The following DNM1L variants were observed in gnomAD, a reference collection of about 807,000 sequenced individuals.
The protein encoded by DNM1L is dynamin-1-like protein.
DNM1L carries 33 observed loss-of-function variants against 92.8 expected under a neutral mutation model. The ratio of observed to expected loss-of-function variants is 0.36; its 90% CI spans 0.27 to 0.48. DNM1L has a LOEUF of 0.48. DNM1L is among the 20% of genes least tolerant of loss of function. The probability of loss-of-function intolerance (pLI) is 0.99; values close to 1 mark genes in which losing one functional copy is unlikely to be tolerated. For synonymous variants in DNM1L, 284 were observed against 305.0 expected, an observed-to-expected ratio of 0.93 and a Z score of 0.72; for missense variants, 485 against 888.8, an observed-to-expected ratio of 0.55 and a Z score of 5.78.
intron 18 of DNM1L, among the ~76,000 whole-genome samples, chr12:32,741,166 A>C (rs1341914830): frequency 6.6e-6 from 1 of 152,218 alleles, no homozygotes; most frequent in Admixed American, 6.5e-5. Context: ...AGAACCATTT[A>C]TCTTTTTTGC....
intron 2 of DNM1L, among the ~76,000 whole-genome samples, chr12:32,702,181 C>T (rs1952731586): frequency 7.0e-6 from 1 of 141,924 alleles, no homozygotes; most frequent in Non-Finnish European, 1.5e-5. Flanking sequence ...TTGCAGTGAG[C>T]TGAGATCACG....
intron 2 of DNM1L, chr12:32,705,807 G>A (rs1565505791): frequency 3.1e-6 from 5 of 1,596,782 alleles, no homozygotes; most frequent in Non-Finnish European, 4.2e-6. Context: ...ATTCTGTGCT[G>A]TTTCTCTTTA....
intron 9 of DNM1L, among the ~76,000 whole-genome samples, chr12:32,729,462 C>A (rs929910749): frequency 1.3e-5 from 2 of 152,058 alleles, no homozygotes; most frequent in Non-Finnish European, 2.9e-5. Context: ...TAATTAATTA[C>A]TTTATTACTT....
chr12:32,731,400 A>G lies in DNM1L; in HGVS notation c.1245A>G (p.Leu415=). 1 of 1,614,154 alleles carries G rather than the reference A, an allele frequency of 6.2e-7. No individual in the cohort carries two copies. The highest frequency in any genetic ancestry group is 8.5e-7 in the Non-Finnish European group (1 of 1,180,020). ...TTGTGCCTGAGGTTTCATTTGAGTT[A>G]CTGGTGAAGCGGCAAATCAAACGTC... ...ALFVPEVSFE[L]LVKRQIKRLE... Residue 415 remains leucine (L), a synonymous_variant, in exon 11 of 20, where the codon TTA becomes TTG. Coordinates refer to ENST00000549701, the MANE Select transcript of DNM1L (RefSeq NM_012062.5). This position sits in a 1 kb window ranked among gnomAD's most constrained non-coding sequence, Gnocchi z 5.1.
chr12:32,741,174 TGCTTGTAGACTTTTTAAACCCGTA>T (rs1162458972), intron 18 of DNM1L, among the ~76,000 whole-genome samples: 2 of 152,248 alleles, frequency 1.3e-5, no homozygotes, highest in African/African-American at 2.4e-5. Flanking sequence ...TTATCTTTTT[TGCTTGTAGACTTTTTAAACCCGTA>T]GCTTGTAGTA....
rs1299977169 is a variant in DNM1L at position 32,717,999 on chromosome 12, A to ATATT, written c.620-641_620-640insTTAT. 5.1e-5 allele frequency among the ~76,000 whole-genome samples: 6 copies of ATATT among 117,926 alleles called. No homozygotes were observed. In the East Asian group the frequency reaches 8.8e-4, roughly 17 times the overall value. 77.4% of individuals were successfully genotyped at this position (117,926 alleles called of 152,430 possible). A position where few individuals can be genotyped will look rare whatever the true frequency, so the allele number is the denominator to read the frequency against. ...ATAGTATATATAGTATGTATAGTAT[A>ATATT]TATAATATATATAGTATATATATTA... On this transcript the variant is annotated intron_variant, in intron 6 of 19. Coordinates refer to ENST00000549701, the MANE Select transcript of DNM1L (RefSeq NM_012062.5).
rs775240905 is a variant in DNM1L, at chr12:32,731,949, C to CTAT, written c.1446+8_1446+9insTTA. The CTAT allele has an allele frequency of 1.9e-6, 3 of 1,603,274 alleles. No homozygotes were observed. The South Asian group carries it at 3.3e-5, about 18-fold the overall frequency. The stretch of plus-strand genomic sequence containing the variant: ...TGCCTGTTACAAATGAAATGGTGAG[C>CTAT]TACTATAGCATAGATCATTGTAATT... On this transcript the variant is annotated splice_region_variant and intron_variant, in intron 12 of 19. Coordinates refer to ENST00000549701, the MANE Select transcript of DNM1L (RefSeq NM_012062.5). The surrounding 1 kb of genome is among the most constrained non-coding windows in gnomAD (Gnocchi z 5.1).
Position 32,693,472 on chromosome 12 carries a change from G to A in DNM1L, c.103-7943G>A, listed in dbSNP as rs374805817. Among the ~76,000 whole-genome samples, 342 of 152,154 alleles carry A rather than the reference G, an allele frequency of 2.2e-3. 4 individuals are homozygous for A. Among genetic ancestry groups the A allele is most frequent in the Middle Eastern group, 0.02 (6 of 294 alleles). On this transcript the variant is annotated intron_variant, in intron 1 of 19. Coordinates refer to ENST00000549701, the MANE Select transcript of DNM1L (RefSeq NM_012062.5). Reference sequence around the variant, plus strand: ...TGGTTGAATTATCTTTTCTTCTGTGGTTTTGTACATTTTGTATATTGTTTA... The same window carrying A: ...TGGTTGAATTATCTTTTCTTCTGTGATTTTGTACATTTTGTATATTGTTTA...
At chr12:32,726,911 A>T (rs1386347107) in intron 9 of DNM1L, 14 of 687,258 alleles carry the variant, frequency 2.0e-5, no homozygotes, top group Non-Finnish European at 3.4e-5. Context: ...GTTCAAATTG[A>T]AATTCTAAGA....
At position 32,689,323 on chromosome 12, in the gene DNM1L, G is replaced by A. The variant is rs144226314; in HGVS notation, c.102+9858G>A. Among the ~76,000 whole-genome samples the A allele has an allele frequency of 1.4e-4, 21 of 152,102 alleles. No individual in the cohort carries two copies. In the East Asian group the frequency reaches 3.5e-3, roughly 25 times the overall value. On this transcript the variant is annotated intron_variant, in intron 1 of 19. Transcript: ENST00000549701. ...AGTGATTCTACTGTCTCAGCTTCCCGAGTAGCTGGGATTACAGGCATGCGC... is the reference window on the plus strand; with the variant it reads ...AGTGATTCTACTGTCTCAGCTTCCCAAGTAGCTGGGATTACAGGCATGCGC...
Position 32,704,917 on chromosome 12 carries a change from A to T in DNM1L, c.251-2450A>T, listed in dbSNP as rs1468081971. Among the ~76,000 whole-genome samples the T allele has an allele frequency of 2.6e-5, 4 of 151,452 alleles. No individual in the cohort carries two copies. The South Asian group carries it at 6.2e-4, about 24-fold the overall frequency. The stretch of plus-strand genomic sequence containing the variant: ...TTACCAACTTTTAAGGTTTTGAAAG[A>T]TGTATTTAGTATATTTTGTAGATTT... On this transcript the variant is annotated intron_variant, in intron 2 of 19. Transcript: ENST00000549701.
chr12:32,736,067 CTTT>C (rs773591822), intron 13 of DNM1L, among the ~76,000 whole-genome samples: 7 of 113,024 alleles, frequency 6.2e-5, no homozygotes, highest in Admixed American at 3.1e-4. Context: ...TCTTCATAAT[CTTT>C]TTTTTTTTTT....
intron 2 of DNM1L, chr12:32,706,133 A>G: frequency 2.9e-6 from 1 of 345,560 alleles, no homozygotes; most frequent in South Asian, 6.0e-5. Context: ...TAAATTAGAA[A>G]CAGCTCTTTG....
At chr12:32,738,710 A>G (rs944485617) in intron 16 of DNM1L, among the ~76,000 whole-genome samples, 1 of 152,156 alleles carries the variant, frequency 6.6e-6, no homozygotes, top group African/African-American at 2.4e-5. Context: ...CATATGCTTC[A>G]GAAGCTTAAG....
intron 6 of DNM1L, among the ~76,000 whole-genome samples, chr12:32,714,048 T>C (rs1225080766): frequency 2.6e-5 from 4 of 152,128 alleles, no homozygotes; most frequent in African/African-American, 9.7e-5. Flanking sequence ...ATATATAAAA[T>C]GCTAGCTTGT....
rs763419498 is a variant in DNM1L, at chr12:32,745,287, A to AAAAAAC, written c.*1890_*1895dup. On this transcript the variant is annotated 3_prime_UTR_variant, in exon 20 of 20. Coordinates refer to ENST00000549701, the MANE Select transcript of DNM1L (RefSeq NM_012062.5). ...TAGTCCTTTGAATTTGTAAGGGGAAAAAAAACAAAAACAAAAACTTACGAT... is the reference window on the plus strand; with the variant it reads ...TAGTCCTTTGAATTTGTAAGGGGAAAAAAAACAAAAACAAAAACAAAAACTTACGAT... The AAAAAAC allele has an allele frequency of 1.3e-5, 3 of 223,750 alleles. No individual in the cohort carries two copies. Among genetic ancestry groups the AAAAAAC allele is most frequent in the African/African-American group, 2.4e-5 (1 of 42,232 alleles). 13.9% of individuals were successfully genotyped at this position (223,750 alleles called of 1,614,324 possible).
intron 1 of DNM1L, among the ~76,000 whole-genome samples, chr12:32,693,925 C>T: frequency 6.6e-6 from 1 of 152,066 alleles, no homozygotes; most frequent in Admixed American, 6.6e-5. Flanking sequence ...AGGCATGTGC[C>T]ACCTCGCCTG....
intron 1 of DNM1L, among the ~76,000 whole-genome samples, chr12:32,685,717 C>T (rs1224096831): frequency 6.6e-6 from 1 of 151,106 alleles, no homozygotes; most frequent in Admixed American, 6.6e-5. Flanking sequence ...ACATCCTTAT[C>T]AACACTTGTT....
At chr12:32,721,517 T>G (rs751502355) in intron 8 of DNM1L, among the ~76,000 whole-genome samples, 7 of 152,200 alleles carry the variant, frequency 4.6e-5, no homozygotes, top group Non-Finnish European at 1.0e-4. Context: ...GCTTTTATTA[T>G]TTAGGAAAAA....
Sources: gnomAD v4.1 joint callset for allele counts (sites outside exome capture counted in the v4.1 genomes callset) on GRCh38, gnomAD v4.1.1 for gene constraint, Gnocchi (gnomAD v3.1) non-coding constraint, MANE v1.5 for transcripts, NCBI Gene and HGNC (gene_info 2026-07-23, HGNC 2026-07-21) for gene names.